Variants in NOL4L observed in about 807,000 individuals in gnomAD.
NOL4L encodes nucleolar protein 4 like.
NOL4L carries 7 observed loss-of-function variants against 64.5 expected under a neutral mutation model. The observed-to-expected ratio is 0.11, with a 90% confidence interval of 0.06 to 0.20. The LOEUF (loss-of-function observed/expected upper bound fraction) is 0.20, where lower values mean the gene tolerates loss of function less well. NOL4L is among the 10% of genes least tolerant of loss of function. The pLI is 1.00. For synonymous variants in NOL4L, 413 were observed against 401.0 expected (o/e 1.03, Z -0.36); for missense variants, 680 against 967.1 (o/e 0.70, Z 3.94).
intron 10 of NOL4L, chr20:32,450,257 GAAC>G (rs1446891123): frequency 6.6e-6 from 1 of 152,294 alleles, no homozygotes; most frequent in Non-Finnish European, 1.5e-5. Flanking sequence ...CAAACTGATT[GAAC>G]AATACTTGAA....
intron 5 of NOL4L, among the ~76,000 whole-genome samples, chr20:32,457,130 G>C (rs939722245): frequency 2.6e-5 from 4 of 152,222 alleles, no homozygotes; most frequent in African/African-American, 9.6e-5. Flanking sequence ...CTGCGAGGGC[G>C]CCCCCTGCCG....
chr20:32,522,581 A>AG (rs1300985838), intron 2 of NOL4L, among the ~76,000 whole-genome samples: 1 of 152,230 alleles, frequency 6.6e-6, no homozygotes, highest in Non-Finnish European at 1.5e-5. Flanking sequence ...GGCAGCAAGA[A>AG]GGGCCCTGCC....
chr20:32,548,889 G>A (rs1446337735), intron 1 of NOL4L: 3 of 416,468 alleles, frequency 7.2e-6, no homozygotes, highest in Admixed American at 3.0e-5. Flanking sequence ...CTACACAGCT[G>A]TAAAAAAGAA....
chr20:32,527,642 C>T, intron 2 of NOL4L, 116 bp downstream of exon 2: 3 of 1,257,518 alleles, frequency 2.4e-6, no homozygotes, highest in Middle Eastern at 2.7e-4. Flanking sequence ...TCCCCAAAGG[C>T]CGTTTCATCA....
chr20:32,577,162 TG>T (rs1980169750), intron 1 of NOL4L, among the ~76,000 whole-genome samples: 1 of 152,070 alleles, frequency 6.6e-6, no homozygotes, highest in Non-Finnish European at 1.5e-5. Flanking sequence ...CTTGAAAAAT[TG>T]GGAGATGGGC....
chr20:32,474,975 G>C, intron 4 of NOL4L: 18 of 985,046 alleles, frequency 1.8e-5, no homozygotes, highest in Non-Finnish European at 2.2e-5. Context: ...GTCTGTAATT[G>C]AAGACAATTA....
chr20:32,574,350 C>T (rs1477669044), intron 1 of NOL4L, among the ~76,000 whole-genome samples: 1 of 152,196 alleles, frequency 6.6e-6, no homozygotes, highest in African/African-American at 2.4e-5. Flanking sequence ...AATCATCACA[C>T]CCATTTTACA....
chr20:32,527,863 A>G lies in NOL4L; in HGVS notation c.372T>C (p.Ala124=), dbSNP rs955491764. 4.5e-6 allele frequency: 7 copies of G among 1,550,448 alleles called. No individual in the cohort carries two copies. In the African/African-American group the frequency reaches 8.2e-5, roughly 18 times the overall value. ...TGATGTCAAAGAAATCTTCCACCAC[A>G]GCGACCCGCTTCAGAGAGATGCCCT... ...EPEGISLKRV[A]VVEDFFDIIY... Residue 124 remains alanine (A), a synonymous_variant, in exon 2 of 11, where the codon GCT becomes GCC. Coordinates refer to ENST00000621426, the MANE Select transcript of NOL4L (RefSeq NM_001256798.2).
intron 2 of NOL4L, 138 bp from the exon 3 acceptor site, chr20:32,521,060 A>G: frequency 1.8e-6 from 1 of 556,882 alleles, no homozygotes; most frequent in African/African-American, 1.9e-5. Flanking sequence ...AGCAAGGGAC[A>G]GGTGTCCTGG....
intron 1 of NOL4L, among the ~76,000 whole-genome samples, chr20:32,579,493 C>A (rs2145626696): frequency 6.6e-6 from 1 of 152,294 alleles, no homozygotes; most frequent in Non-Finnish European, 1.5e-5. Flanking sequence ...GGCTCCCCAC[C>A]CCCCAATCCT....
At chr20:32,488,791 CTTTCTTTCTTTCT>C (rs2016247910) in intron 4 of NOL4L, among the ~76,000 whole-genome samples, 1 of 53,498 alleles carries the variant, frequency 1.9e-5, no homozygotes, top group Admixed American at 2.0e-4. Flanking sequence ...TCCTTCCTTC[CTTTCTTTCTTTCT>C]TTTTCTTTCT....
chr20:32,531,855 C>T (rs1419684705), intron 1 of NOL4L, among the ~76,000 whole-genome samples: 5 of 152,144 alleles, frequency 3.3e-5, no homozygotes, highest in Non-Finnish European at 7.4e-5. Flanking sequence ...CCCTCTGACG[C>T]GTCCAGAGGG....
At chr20:32,475,009 C>T (rs775826055) in intron 4 of NOL4L, 2 of 985,364 alleles carry the variant, frequency 2.0e-6, no homozygotes, top group Non-Finnish European at 2.4e-6. Context: ...CCTGCAGGGG[C>T]GGATGGCAGG....
In NOL4L at chr20:32,447,721, T is replaced by G; in HGVS notation, c.1918A>C (p.Thr640Pro). 1 of 1,531,670 alleles carries G rather than the reference T, an allele frequency of 6.5e-7. No individual in the cohort carries two copies. Among genetic ancestry groups the G allele is most frequent in the Non-Finnish European group, 8.8e-7 (1 of 1,137,592 alleles). 94.9% of individuals were successfully genotyped at this position (1,531,670 alleles called of 1,614,324 possible). Reference protein sequence around the residue: ...SSTSTSRPVPTAQLSPTEISA... With the variant: ...SSTSTSRPVPPAQLSPTEISA... Reference sequence around the variant, plus strand: ...ATCTCCGTGGGGCTGAGCTGAGCGGTGGGCACGGGCCTGCTGGTGCTGGTG... The same window carrying G: ...ATCTCCGTGGGGCTGAGCTGAGCGGGGGGCACGGGCCTGCTGGTGCTGGTG... Residue 640 changes from threonine to proline, a missense_variant, in exon 11 of 11, where the codon ACC becomes CCC. Thr to Pro is a conservative substitution (Grantham distance 38). Coordinates refer to ENST00000621426, the MANE Select transcript of NOL4L (RefSeq NM_001256798.2).
At chr20:32,526,994 C>A (rs2145580465) in intron 2 of NOL4L, among the ~76,000 whole-genome samples, 1 of 152,308 alleles carries the variant, frequency 6.6e-6, no homozygotes, top group South Asian at 2.1e-4. Context: ...ATTTCCACCT[C>A]CCTGGCATTT....
At chr20:32,516,272 C>T (rs1266792759) in intron 3 of NOL4L, among the ~76,000 whole-genome samples, 1 of 151,202 alleles carries the variant, frequency 6.6e-6, no homozygotes, top group African/African-American at 2.4e-5. Context: ...CTGAGACCAG[C>T]TCAAAAGGTG....
At chr20:32,534,741 C>A (rs947429935) in intron 1 of NOL4L, among the ~76,000 whole-genome samples, 2 of 151,434 alleles carry the variant, frequency 1.3e-5, no homozygotes, top group Non-Finnish European at 1.5e-5. Flanking sequence ...CCTAGCTGGG[C>A]GTGGCGGCAT....
intron 6 of NOL4L, among the ~76,000 whole-genome samples, chr20:32,454,422 G>A (rs556705204): frequency 4.0e-5 from 6 of 150,648 alleles, no homozygotes; most frequent in Non-Finnish European, 8.8e-5. Context: ...AGAGGGAACC[G>A]GATCCGGCCT....
chr20:32,538,463 C>A (rs1214361500), intron 1 of NOL4L, among the ~76,000 whole-genome samples: 2 of 15,760 alleles, frequency 1.3e-4, no homozygotes, highest in Non-Finnish European at 2.0e-4. Context: ...CCCTCCCTCG[C>A]TCCCTCCCTC....
Sources: allele counts gnomAD v4.1 joint callset (sites outside exome capture counted in the v4.1 genomes callset), GRCh38; gene constraint gnomAD v4.1.1; transcripts MANE v1.5; gene names NCBI Gene and HGNC (gene_info 2026-07-23, HGNC 2026-07-21).